Variants in CALN1 observed in about 807,000 individuals in gnomAD.
The protein encoded by CALN1 is calcium-binding protein 8.
A neutral mutation model predicts 30.6 loss-of-function variants in CALN1; 17 were observed. That is an observed-to-expected ratio of 0.56 (90% CI 0.38 to 0.83). CALN1 has a LOEUF of 0.83. CALN1 is among the 40% of genes least tolerant of loss of function. The probability of loss-of-function intolerance (pLI) is 0.00; values close to 1 mark genes in which losing one functional copy is unlikely to be tolerated. For missense variants in CALN1, 291 were observed against 354.9 expected (o/e 0.82, Z 1.45); for synonymous variants, 156 against 131.4 (o/e 1.19, Z -1.28).
At chr7:72,431,270 T>C (rs1295057579) in intron 1 of CALN1, among the ~76,000 whole-genome samples, 4 of 152,078 alleles carry the variant, frequency 2.6e-5, no homozygotes, top group Non-Finnish European at 5.9e-5. Flanking sequence ...CTATTATTAG[T>C]AGTGGTGGGC....
intron 1 of CALN1, among the ~76,000 whole-genome samples, chr7:72,419,358 T>C (rs1054609721): frequency 1.1e-4 from 16 of 152,122 alleles, no homozygotes; most frequent in Non-Finnish European, 7.4e-5. Context: ...GGAAGGAAGA[T>C]TCCTCAGGTC....
intron 3 of CALN1, among the ~76,000 whole-genome samples, chr7:72,124,588 G>A (rs956705089): frequency 2.0e-5 from 3 of 152,024 alleles, no homozygotes; most frequent in African/African-American, 7.2e-5. Context: ...GAAGTTTGAG[G>A]CTGCAGTGAG....
In CALN1 at chr7:71,946,550, C is replaced by CA. The variant is rs559483727; in HGVS notation, c.501+77106dup. On this transcript the variant is annotated intron_variant, in intron 5 of 6. Transcript: ENST00000395275. ...ACTCAGCTAATTTCTTTTTAATAGA[C>CA]AAAGTCTTGCTGTATTGCCTAGGCC... Among the ~76,000 whole-genome samples, 39 of 152,022 alleles carry CA rather than the reference C, an allele frequency of 2.6e-4. No homozygotes were observed. The East Asian group carries it at 7.0e-3, about 27-fold the overall frequency.
chr7:72,318,599 G>A (rs1800649420), intron 2 of CALN1, among the ~76,000 whole-genome samples: 1 of 151,622 alleles, frequency 6.6e-6, no homozygotes, highest in African/African-American at 2.4e-5. Context: ...GGAGTGCAGT[G>A]GTGTGATCAT....
chr7:72,487,891 A>AGG, the CALN1 span, among the ~76,000 whole-genome samples: 1 of 26,130 alleles, frequency 3.8e-5, no homozygotes, highest in African/African-American at 2.5e-4. Context: ...AAAGAAAAGA[A>AGG]AAGAAAGAAA....
chr7:72,005,639 A>G (rs1353825606), intron 5 of CALN1, among the ~76,000 whole-genome samples: 2 of 152,162 alleles, frequency 1.3e-5, no homozygotes, highest in African/African-American at 4.8e-5. Context: ...GCCCAGAGCA[A>G]ATTATTGATA....
chr7:72,434,348 CAA>C (rs542641679), intron 1 of CALN1, among the ~76,000 whole-genome samples: 3 of 105,228 alleles, frequency 2.9e-5, no homozygotes, highest in Admixed American at 9.8e-5. Flanking sequence ...ACTAAAATAC[CAA>C]AAAAAAAAAA....
intron 5 of CALN1, among the ~76,000 whole-genome samples, chr7:71,926,917 A>T (rs918394020): frequency 2.0e-5 from 3 of 152,110 alleles, no homozygotes; most frequent in Non-Finnish European, 4.4e-5. Context: ...AAGAGCCTTT[A>T]ATATATTAAT....
At chr7:72,081,697 C>G (rs917650494) in intron 4 of CALN1, among the ~76,000 whole-genome samples, 1 of 151,940 alleles carries the variant, frequency 6.6e-6, no homozygotes, top group East Asian at 1.9e-4. Flanking sequence ...GCTGGGATTA[C>G]AGGTATGAGC....
At chr7:72,414,314 T>G (rs1296334507), upstream of CALN1, among the ~76,000 whole-genome samples, 1 of 151,938 alleles carries the variant, frequency 6.6e-6, no homozygotes, top group Admixed American at 6.6e-5. Flanking sequence ...ACATGAAGAG[T>G]GACCTACAAA....
At chr7:71,839,874 A>G (rs1050923356) in intron 5 of CALN1, among the ~76,000 whole-genome samples, 5 of 152,124 alleles carry the variant, frequency 3.3e-5, no homozygotes, top group Non-Finnish European at 7.4e-5. Flanking sequence ...CAAAAAAGTC[A>G]CATGCCCACC....
intron 3 of CALN1, among the ~76,000 whole-genome samples, chr7:72,170,615 G>C (rs1483079146): frequency 6.6e-6 from 1 of 152,190 alleles, no homozygotes; most frequent in Non-Finnish European, 1.5e-5. Context: ...CATAAAGAGA[G>C]TCCTACATCC....
At chr7:72,080,833 G>C (rs1311501395) in intron 4 of CALN1, among the ~76,000 whole-genome samples, 1 of 152,102 alleles carries the variant, frequency 6.6e-6, no homozygotes, top group Non-Finnish European at 1.5e-5. Flanking sequence ...GAAGCTGATG[G>C]CTGTTCTCAA....
At chr7:71,805,861 G>C (rs1213919075) in intron 6 of CALN1, among the ~76,000 whole-genome samples, 2 of 152,144 alleles carry the variant, frequency 1.3e-5, no homozygotes, top group African/African-American at 4.8e-5. Flanking sequence ...CTGATAGACT[G>C]GATAAAGAAA....
At chr7:72,432,550 A>AC (rs1170367122) in intron 1 of CALN1, among the ~76,000 whole-genome samples, 1 of 152,028 alleles carries the variant, frequency 6.6e-6, no homozygotes, top group African/African-American at 2.4e-5. Context: ...GCTCAGGGCC[A>AC]CCCCATGAAT....
At chr7:72,084,103 G>C (rs1805328346) in intron 4 of CALN1, among the ~76,000 whole-genome samples, 1 of 152,044 alleles carries the variant, frequency 6.6e-6, no homozygotes, top group South Asian at 2.1e-4. Context: ...CAGCTACTCA[G>C]GAGGCTGAGG....
intron 5 of CALN1, among the ~76,000 whole-genome samples, chr7:71,875,058 AG>A (rs1259701695): frequency 6.7e-6 from 1 of 149,662 alleles, no homozygotes; most frequent in East Asian, 2.0e-4. Flanking sequence ...CCAGATCCTC[AG>A]GGGGCTGAAG....
At chr7:72,213,548 G>A (rs535954784) in intron 3 of CALN1, among the ~76,000 whole-genome samples, 2 of 152,250 alleles carry the variant, frequency 1.3e-5, no homozygotes, top group South Asian at 4.1e-4. Flanking sequence ...TAGATTTTAT[G>A]GTATGTAAAT....
chr7:72,341,772 T>C (rs1420413766), intron 2 of CALN1, among the ~76,000 whole-genome samples: 1 of 152,140 alleles, frequency 6.6e-6, no homozygotes, highest in Non-Finnish European at 1.5e-5. Context: ...TTGAGAAAAT[T>C]AAATGTGACT....
Sources: allele counts gnomAD v4.1 joint callset (sites outside exome capture counted in the v4.1 genomes callset), GRCh38; gene constraint gnomAD v4.1.1; transcripts MANE v1.5; gene names NCBI Gene and HGNC (gene_info 2026-07-23, HGNC 2026-07-21).